N4BP2L2: variants seen among roughly 807,000 people sequenced by gnomAD.
The protein encoded by N4BP2L2 is NEDD4-binding protein 2-like 2.
In N4BP2L2, 50 loss-of-function variants were observed where a neutral mutation model predicts 56.2. The observed-to-expected ratio is 0.89, with a 90% CI of 0.71 to 1.13. N4BP2L2 has a LOEUF of 1.13. N4BP2L2 is among the 50% of genes most tolerant of loss of function. The probability of loss-of-function intolerance (pLI) is 0.00; values close to 1 mark genes in which losing one functional copy is unlikely to be tolerated. For synonymous variants in N4BP2L2, 203 were observed against 223.6 expected, an observed-to-expected ratio of 0.91 and a Z score of 0.82; for missense variants, 689 against 693.8, an observed-to-expected ratio of 0.99 and a Z score of 0.08.
At chr13:32,459,175 C>A (rs1332941775) in intron 6 of N4BP2L2, among the ~76,000 whole-genome samples, 1 of 152,036 alleles carries the variant, frequency 6.6e-6, no homozygotes, top group African/African-American at 2.4e-5. Context: ...TAAATGCCTA[C>A]ATTAAGAAAC....
chr13:32,528,067 G>T (rs546231594), intron 2 of N4BP2L2, among the ~76,000 whole-genome samples: 1 of 152,142 alleles, frequency 6.6e-6, no homozygotes, highest in African/African-American at 2.4e-5. Flanking sequence ...ACCGTGCCTG[G>T]CCATAACAAA....
At chr13:32,536,436 G>A in exon 2 of N4BP2L2, 1 of 1,613,664 alleles carries the variant, frequency 6.2e-7, no homozygotes, top group Admixed American at 1.7e-5. Context: ...TCCTGAGAAG[G>A]TTCAGATTCT....
chr13:32,469,031 G>A (rs1007930747), intron 6 of N4BP2L2, among the ~76,000 whole-genome samples: 1 of 152,212 alleles, frequency 6.6e-6, no homozygotes, highest in Non-Finnish European at 1.5e-5. Flanking sequence ...AGGAGCTAGT[G>A]TGAGTGAGCT....
At chr13:32,529,073 A>G (rs1192293417) in intron 2 of N4BP2L2, among the ~76,000 whole-genome samples, 2 of 152,376 alleles carry the variant, frequency 1.3e-5, no homozygotes, top group East Asian at 1.9e-4. Context: ...TGTTTAGGAA[A>G]TAACAAGGAA....
intron 3 of N4BP2L2, 129 bp downstream of exon 3, chr13:32,527,279 G>C: frequency 3.3e-6 from 3 of 901,006 alleles, no homozygotes; most frequent in African/African-American, 1.7e-5. Flanking sequence ...GGAGAAATTA[G>C]GTCTCAAAGC....
chr13:32,477,763 G>A, intron 6 of N4BP2L2: 1 of 751,458 alleles, frequency 1.3e-6, no homozygotes, highest in Non-Finnish European at 1.9e-6. Flanking sequence ...TAAAAGCTCT[G>A]TTCCAATTGG....
chr13:32,471,312 T>C (rs1287797019), intron 6 of N4BP2L2, among the ~76,000 whole-genome samples: 2 of 152,176 alleles, frequency 1.3e-5, no homozygotes, highest in South Asian at 2.1e-4. Flanking sequence ...ATGTAAGGTA[T>C]ATGGATGTGC....
chr13:32,437,327 G>A (rs1392799100), intron 8 of N4BP2L2, among the ~76,000 whole-genome samples: 2 of 152,226 alleles, frequency 1.3e-5, no homozygotes, highest in Admixed American at 6.5e-5. Flanking sequence ...CAGACGAAAT[G>A]AGTCTACTTT....
At chr13:32,494,607 C>CA (rs1242108869) in intron 6 of N4BP2L2, among the ~76,000 whole-genome samples, 26 of 151,030 alleles carry the variant, frequency 1.7e-4, no homozygotes, top group Non-Finnish European at 3.4e-4. Flanking sequence ...ACTAAAAACA[C>CA]ACAAAAAAAT....
intron 9 of N4BP2L2, among the ~76,000 whole-genome samples, chr13:32,433,171 C>T (rs551107002): frequency 2.6e-4 from 39 of 152,350 alleles, no homozygotes; most frequent in African/African-American, 8.2e-4. Context: ...CCTTGTCCTT[C>T]AGCTGAAACT....
At chr13:32,442,179 C>T (rs185739339) in intron 7 of N4BP2L2, among the ~76,000 whole-genome samples, 1 of 152,276 alleles carries the variant, frequency 6.6e-6, no homozygotes, top group Admixed American at 6.5e-5. Flanking sequence ...TTCTCAAAGA[C>T]ATTGAAAGAG....
chr13:32,436,261 T>A, intron 9 of N4BP2L2: 2 of 513,696 alleles, frequency 3.9e-6, no homozygotes, highest in Non-Finnish European at 6.8e-6. Flanking sequence ...TATTTTACTC[T>A]CCAGTCGTGC....
chr13:32,504,234 G>A (rs138156604), intron 6 of N4BP2L2, among the ~76,000 whole-genome samples: 276 of 152,282 alleles, frequency 1.8e-3, no homozygotes, highest in Non-Finnish European at 3.3e-3. Flanking sequence ...TAAGAGCTGC[G>A]TATTTATTTG....
chr13:32,527,299 G>T, intron 3 of N4BP2L2, 109 bp downstream of exon 3: 1 of 1,181,606 alleles, frequency 8.5e-7, no homozygotes, highest in Non-Finnish European at 1.2e-6. Flanking sequence ...CTATTTAAAC[G>T]GCTTGCCTAC....
chr13:32,436,050 C>A (rs915498469), intron 9 of N4BP2L2, among the ~76,000 whole-genome samples: 1 of 152,182 alleles, frequency 6.6e-6, no homozygotes, highest in Non-Finnish European at 1.5e-5. Context: ...CACATACCAA[C>A]CCAAGGGGGG....
intron 2 of N4BP2L2, among the ~76,000 whole-genome samples, chr13:32,529,731 C>CTT (rs1267636694): frequency 1.6e-5 from 2 of 126,644 alleles, no homozygotes. Flanking sequence ...CTTTTCTTTT[C>CTT]TTTTTTTTTT....
exon 9 of N4BP2L2, chr13:32,436,368 G>T: frequency 8.2e-7 from 1 of 1,220,100 alleles, no homozygotes; most frequent in Non-Finnish European, 1.1e-6. Flanking sequence ...TACAGTTCAA[G>T]GAATTTTCAT....
chr13:32,445,476 G>A (rs758189434), intron 6 of N4BP2L2, among the ~76,000 whole-genome samples: 8 of 152,146 alleles, frequency 5.3e-5, no homozygotes, highest in Non-Finnish European at 1.0e-4. Context: ...GTTTCAGAAT[G>A]GGACAAATTT....
chr13:32,451,970 A>C (rs2078109967), intron 6 of N4BP2L2, among the ~76,000 whole-genome samples: 1 of 152,186 alleles, frequency 6.6e-6, no homozygotes, highest in African/African-American at 2.4e-5. Flanking sequence ...GTTCTACCGA[A>C]TATTCAAGGA....
Sources: gnomAD v4.1 joint callset for allele counts (sites outside exome capture counted in the v4.1 genomes callset) on GRCh38, gnomAD v4.1.1 for gene constraint, MANE v1.5 for transcripts, NCBI Gene and HGNC (gene_info 2026-07-23, HGNC 2026-07-21) for gene names.